Variants in RANBP2 observed in about 807,000 individuals in gnomAD.
RANBP2 encodes the protein RAN binding protein 2.
Under a neutral mutation model 303.6 loss-of-function variants are expected in RANBP2, and 57 were observed. That is an observed-to-expected ratio of 0.19 (90% CI 0.15 to 0.23). The LOEUF (loss-of-function observed/expected upper bound fraction) is 0.23, where lower values mean the gene tolerates loss of function less well. Ranked by LOEUF, RANBP2 falls within the 10% of genes least tolerant of loss-of-function variation. The pLI is 1.00. For synonymous variants in RANBP2, 1,167 were observed against 1,301.5 expected, an observed-to-expected ratio of 0.90 and a Z score of 2.23; for missense variants, 3,138 against 3,780.8, an observed-to-expected ratio of 0.83 and a Z score of 4.46.
chr2:109,652,416 G>A, the RANBP2 span, among the ~76,000 whole-genome samples: 1 of 152,048 alleles, frequency 6.6e-6, no homozygotes, highest in African/African-American at 2.4e-5. Flanking sequence ...TAGTAGAGAC[G>A]GGGTTTCACT....
At chr2:109,035,008 T>A in the RANBP2 span, among the ~76,000 whole-genome samples, 3 of 152,170 alleles carry the variant, frequency 2.0e-5, no homozygotes, top group Non-Finnish European at 4.4e-5. Flanking sequence ...TGGGGGCCAT[T>A]AGCCAGAGGA....
the RANBP2 span, among the ~76,000 whole-genome samples, chr2:109,446,909 C>CA: frequency 2.6e-5 from 4 of 152,056 alleles, no homozygotes; most frequent in Non-Finnish European, 5.9e-5. Flanking sequence ...GCTTCCCTGG[C>CA]AGGCTGTCAC....
chr2:108,726,709 T>G (rs2149086410), intron 1 of RANBP2, among the ~76,000 whole-genome samples: 1 of 151,518 alleles, frequency 6.6e-6, no homozygotes, highest in Non-Finnish European at 1.5e-5. Context: ...CATGGGACAA[T>G]AGTGGAGGGA....
At chr2:109,199,989 G>C in the RANBP2 span, among the ~76,000 whole-genome samples, 16 of 152,238 alleles carry the variant, frequency 1.1e-4, no homozygotes, top group East Asian at 2.9e-3. Flanking sequence ...GGTTGTCACA[G>C]CTAAGGTGGG....
At chr2:108,824,191 T>A in the RANBP2 span, among the ~76,000 whole-genome samples, 1 of 152,178 alleles carries the variant, frequency 6.6e-6, no homozygotes, top group East Asian at 1.9e-4. Flanking sequence ...ATTAACAAAT[T>A]AAGCTTAGCT....
At chr2:109,161,660 G>A in the RANBP2 span, among the ~76,000 whole-genome samples, 1 of 151,906 alleles carries the variant, frequency 6.6e-6, no homozygotes, top group Admixed American at 6.6e-5. Context: ...GCTTGTGGAA[G>A]GCGAAGGGGA....
the RANBP2 span, among the ~76,000 whole-genome samples, chr2:109,387,941 T>C: frequency 6.6e-6 from 1 of 151,796 alleles, no homozygotes; most frequent in Non-Finnish European, 1.5e-5. Flanking sequence ...CTGGCCCAGA[T>C]TCCCAACCAT....
the RANBP2 span, among the ~76,000 whole-genome samples, chr2:109,449,775 A>G: frequency 6.6e-6 from 1 of 152,234 alleles, no homozygotes; most frequent in Non-Finnish European, 1.5e-5. Flanking sequence ...CCTTAGTTCC[A>G]TCTGTTGTAA....
chr2:109,161,494 C>T, the RANBP2 span, among the ~76,000 whole-genome samples: 2 of 152,114 alleles, frequency 1.3e-5, no homozygotes, highest in African/African-American at 2.4e-5. Flanking sequence ...ACGTGCATTA[C>T]ATATCGTAAG....
chr2:109,472,302 G>A, the RANBP2 span, among the ~76,000 whole-genome samples: 1 of 151,946 alleles, frequency 6.6e-6, no homozygotes, highest in Non-Finnish European at 1.5e-5. Flanking sequence ...AGAGGACCCG[G>A]CCAGGGGCCT....
At chr2:108,917,886 T>C in the RANBP2 span, among the ~76,000 whole-genome samples, 2 of 152,136 alleles carry the variant, frequency 1.3e-5, no homozygotes, top group Non-Finnish European at 2.9e-5. Context: ...AGAGGTTGGA[T>C]AATCAGCCCT....
At chr2:109,166,687 A>G in the RANBP2 span, among the ~76,000 whole-genome samples, 2 of 152,166 alleles carry the variant, frequency 1.3e-5, no homozygotes, top group African/African-American at 4.8e-5. Context: ...TAAAGACCTG[A>G]AGTTCTTTTT....
At chr2:109,061,818 G>A in the RANBP2 span, among the ~76,000 whole-genome samples, 29 of 152,258 alleles carry the variant, frequency 1.9e-4, no homozygotes, top group Admixed American at 3.3e-4. Context: ...TGGTGGGCCC[G>A]TGGACTTGTT....
At chr2:109,493,558 A>T in the RANBP2 span, among the ~76,000 whole-genome samples, 2 of 150,194 alleles carry the variant, frequency 1.3e-5, no homozygotes, top group African/African-American at 2.5e-5. Context: ...ATACACATAC[A>T]TACCATACAC....
chr2:108,829,472 A>T, the RANBP2 span, among the ~76,000 whole-genome samples: 1 of 152,220 alleles, frequency 6.6e-6, no homozygotes, highest in East Asian at 1.9e-4. Flanking sequence ...AAAAATAAAC[A>T]TGGTGGCCCA....
chr2:109,103,120 C>T, the RANBP2 span, among the ~76,000 whole-genome samples: 16 of 152,352 alleles, frequency 1.1e-4, no homozygotes, highest in Non-Finnish European at 2.4e-4. Context: ...TGTCTGCTCC[C>T]TGGCTGACGA....
the RANBP2 span, among the ~76,000 whole-genome samples, chr2:109,683,833 CCAA>C: frequency 6.6e-6 from 1 of 152,158 alleles, no homozygotes; most frequent in Non-Finnish European, 1.5e-5. Flanking sequence ...GTATTGTGTG[CCAA>C]CAGTTATTCA....
the RANBP2 span, among the ~76,000 whole-genome samples, chr2:108,984,123 T>A: frequency 1.3e-5 from 2 of 152,162 alleles, no homozygotes. Flanking sequence ...TCAGAATGGA[T>A]CCCTTTGGCA....
At chr2:109,126,318 CTT>C in the RANBP2 span, among the ~76,000 whole-genome samples, 91 of 152,332 alleles carry the variant, frequency 6.0e-4, no homozygotes, top group African/African-American at 2.1e-3. Flanking sequence ...CTCTCTTGCT[CTT>C]GTCTGTCTTG....
Sources: gnomAD v4.1 joint callset for allele counts (sites outside exome capture counted in the v4.1 genomes callset) on GRCh38, gnomAD v4.1.1 for gene constraint, MANE v1.5 for transcripts, NCBI Gene and HGNC (gene_info 2026-07-23, HGNC 2026-07-21) for gene names.